The following EFNA5 variants were observed in gnomAD, a reference collection of about 807,000 sequenced individuals.
EFNA5 encodes the protein ephrin-A5.
A neutral mutation model predicts 22.9 loss-of-function variants in EFNA5; 5 were observed. The observed-to-expected ratio is 0.22, with a 90% confidence interval of 0.11 to 0.46. The LOEUF (loss-of-function observed/expected upper bound fraction) is 0.46, where lower values mean the gene tolerates loss of function less well. Among genes scored for constraint, EFNA5 ranks in the 20% least tolerant of loss-of-function variants. The pLI is 0.99. For missense variants in EFNA5, 237 were observed against 293.3 expected (o/e 0.81, Z 1.40); for synonymous variants, 113 against 112.2 (o/e 1.01, Z -0.04).
chr5:107,487,053 A>G (rs1746648594), intron 1 of EFNA5, among the ~76,000 whole-genome samples: 1 of 152,198 alleles, frequency 6.6e-6, no homozygotes, highest in Non-Finnish European at 1.5e-5. Flanking sequence ...CAAAAGATAA[A>G]GAACAACTTC....
chr5:107,569,381 A>T (rs191766822), intron 1 of EFNA5, among the ~76,000 whole-genome samples: 2,675 of 144,130 alleles, frequency 0.019, 89 homozygotes, highest in African/African-American at 0.064. Context: ...ATATATATAT[A>T]TTTTTATGTA....
intron 1 of EFNA5, among the ~76,000 whole-genome samples, chr5:107,526,478 T>C (rs994581200): frequency 2.6e-5 from 4 of 152,184 alleles, no homozygotes; most frequent in South Asian, 2.1e-4. Flanking sequence ...CCAGACTTGA[T>C]TGGGTCTGAA....
chr5:107,507,048 G>T (rs1747268660), intron 1 of EFNA5, among the ~76,000 whole-genome samples: 1 of 152,080 alleles, frequency 6.6e-6, no homozygotes, highest in South Asian at 2.1e-4. Flanking sequence ...AACATAAAAT[G>T]ATCAAAAGTT....
At chr5:107,635,944 A>C (rs976434437) in intron 1 of EFNA5, among the ~76,000 whole-genome samples, 2 of 152,232 alleles carry the variant, frequency 1.3e-5, no homozygotes, top group African/African-American at 4.8e-5. Context: ...ACATGGGTTG[A>C]AAATATTATT....
At chr5:107,630,409 T>C (rs565648417) in intron 1 of EFNA5, among the ~76,000 whole-genome samples, 2 of 152,358 alleles carry the variant, frequency 1.3e-5, no homozygotes, top group South Asian at 4.1e-4. Flanking sequence ...GTTCCTGTTC[T>C]GAACACTGTA....
In EFNA5 at chr5:107,381,355, G is replaced by A. The variant is rs761234031; in HGVS notation, c.587C>T (p.Ala196Val). ...EPADDTVHES[A>V]EPSRGENAAQ... Reference sequence around the variant, plus strand: ...CGCGTTCTCGCCGCGGGATGGCTCGGCTGACTCATGTACGGTGTCATCTGT... The same window carrying A: ...CGCGTTCTCGCCGCGGGATGGCTCGACTGACTCATGTACGGTGTCATCTGT... The change falls in exon 5 of 5, where the codon GCC becomes GTC. Residue 196 changes from alanine (A) to valine (V), a missense_variant. Around this residue, in one of 3 missense-constraint regions of EFNA5, gnomAD observed 104 missense variants for 114.5 expected, o/e 0.91. Coordinates refer to ENST00000333274, the MANE Select transcript of EFNA5 (RefSeq NM_001962.3). 2 of 1,613,720 alleles carry A rather than the reference G, an allele frequency of 1.2e-6. No individual in the cohort carries two copies. Among genetic ancestry groups the A allele is most frequent in the African/African-American group, 2.7e-5 (2 of 74,922 alleles).
intron 1 of EFNA5, among the ~76,000 whole-genome samples, chr5:107,484,430 A>C (rs941183400): frequency 6.6e-6 from 1 of 152,196 alleles, no homozygotes; most frequent in African/African-American, 2.4e-5. Context: ...CTGATTCAGA[A>C]CTAACATGGA....
At chr5:107,467,063 A>G (rs1321255974) in intron 1 of EFNA5, among the ~76,000 whole-genome samples, 2 of 152,188 alleles carry the variant, frequency 1.3e-5, no homozygotes, top group Non-Finnish European at 2.9e-5. Context: ...TTACACAGTA[A>G]TTTACATTTA....
intron 1 of EFNA5, among the ~76,000 whole-genome samples, chr5:107,653,287 G>A (rs1445145227): frequency 6.6e-6 from 1 of 151,918 alleles, no homozygotes; most frequent in Non-Finnish European, 1.5e-5. Flanking sequence ...AGACTGGTCA[G>A]CGTTTCTGCA....
intron 1 of EFNA5, among the ~76,000 whole-genome samples, chr5:107,548,011 C>T (rs1287492491): frequency 6.6e-6 from 1 of 152,072 alleles, no homozygotes; most frequent in South Asian, 2.1e-4. Context: ...ATTCTGTAAA[C>T]CCTGTCTAAG....
intron 1 of EFNA5, among the ~76,000 whole-genome samples, chr5:107,606,321 G>T (rs1749711716): frequency 6.6e-6 from 1 of 152,070 alleles, no homozygotes; most frequent in African/African-American, 2.4e-5. Context: ...GCAGAGTAAA[G>T]AACAGATTAG....
intron 1 of EFNA5, among the ~76,000 whole-genome samples, chr5:107,609,132 G>A (rs547960120): frequency 2.6e-5 from 4 of 152,120 alleles, no homozygotes; most frequent in South Asian, 2.1e-4. Flanking sequence ...GTTAAATTAA[G>A]TAAGAAGGAA....
intron 1 of EFNA5, among the ~76,000 whole-genome samples, chr5:107,501,820 C>T (rs1310830403): frequency 6.6e-6 from 1 of 152,112 alleles, no homozygotes; most frequent in Non-Finnish European, 1.5e-5. Flanking sequence ...CACTTTAATT[C>T]ACGCCATTAA....
chr5:107,471,904 G>C (rs1025641574), intron 1 of EFNA5, among the ~76,000 whole-genome samples: 2 of 152,192 alleles, frequency 1.3e-5, no homozygotes, highest in Non-Finnish European at 2.9e-5. Context: ...CTTACATGTA[G>C]TTGAAGATTT....
chr5:107,640,167 G>C (rs745978155), intron 1 of EFNA5, among the ~76,000 whole-genome samples: 2 of 152,158 alleles, frequency 1.3e-5, no homozygotes, highest in Non-Finnish European at 2.9e-5. Flanking sequence ...CAGACACACT[G>C]GGTAACGGAA....
chr5:107,435,409 C>T (rs1749085527), intron 1 of EFNA5, among the ~76,000 whole-genome samples: 1 of 145,750 alleles, frequency 6.9e-6, no homozygotes, highest in African/African-American at 2.6e-5. Context: ...ATACTAGCAT[C>T]ACTAAGGGCT....
intron 1 of EFNA5, among the ~76,000 whole-genome samples, chr5:107,526,654 T>C (rs1291127827): frequency 6.6e-6 from 1 of 152,252 alleles, no homozygotes; most frequent in Non-Finnish European, 1.5e-5. Context: ...GAACAGGATT[T>C]ACTTCTGAAT....
chr5:107,468,376 G>T (rs1321515329), intron 1 of EFNA5, among the ~76,000 whole-genome samples: 1 of 152,214 alleles, frequency 6.6e-6, no homozygotes, highest in African/African-American at 2.4e-5. Flanking sequence ...GAAGGGAAGG[G>T]TGTTTATAAG....
intron 1 of EFNA5, among the ~76,000 whole-genome samples, chr5:107,607,813 C>A (rs186642052): frequency 6.6e-6 from 1 of 152,262 alleles, no homozygotes; most frequent in South Asian, 2.1e-4. Context: ...ACCTTGCTTA[C>A]GGTGCATGAC....
Sources: allele counts gnomAD v4.1 joint callset (sites outside exome capture counted in the v4.1 genomes callset), GRCh38; gene constraint gnomAD v4.1.1; regional missense constraint gnomAD v4.1.1; transcripts MANE v1.5; gene names NCBI Gene and HGNC (gene_info 2026-07-23, HGNC 2026-07-21).